The following NRXN1 variants were observed in gnomAD, a reference collection of about 807,000 sequenced individuals.
The protein encoded by NRXN1 is neurexin-1.
In NRXN1, 39 loss-of-function variants were observed where a neutral mutation model predicts 150.9. The ratio of observed to expected loss-of-function variants is 0.26; its 90% CI spans 0.20 to 0.34. The LOEUF is 0.34. NRXN1 is among the 10% of genes least tolerant of loss of function. NRXN1 has a pLI of 1.00. For synonymous variants in NRXN1, 924 were observed against 757.0 expected (o/e 1.22, Z -3.62); for missense variants, 1,815 against 1,949.9 (o/e 0.93, Z 1.30).
At chr2:50,981,823 GTGTGTGTGTGTGTGTGTGTA>G (rs910674012) in intron 2 of NRXN1, among the ~76,000 whole-genome samples, 2 of 139,422 alleles carry the variant, frequency 1.4e-5, no homozygotes, top group East Asian at 2.0e-4. Context: ...TAAACAATGT[GTGTGTGTGTGTGTGTGTGTA>G]TGTGTGTGTG....
intron 5 of NRXN1, among the ~76,000 whole-genome samples, chr2:50,728,504 C>T: frequency 6.6e-6 from 1 of 152,084 alleles, no homozygotes; most frequent in Non-Finnish European, 1.5e-5. Context: ...CTTGTTTTCC[C>T]TTCCATCTTT....
chr2:50,278,301 A>C (rs1441107296), intron 17 of NRXN1, among the ~76,000 whole-genome samples: 1 of 126,146 alleles, frequency 7.9e-6, no homozygotes, highest in African/African-American at 3.2e-5. Context: ...TATATAATAT[A>C]TATTTTATAT....
At chr2:50,131,638 C>A (rs1301801085) in intron 18 of NRXN1, among the ~76,000 whole-genome samples, 1 of 152,166 alleles carries the variant, frequency 6.6e-6, no homozygotes, top group African/African-American at 2.4e-5. Flanking sequence ...CAGTTTTCAT[C>A]TTCAAAGCAC....
At chr2:50,981,076 T>G (rs1450572024) in intron 2 of NRXN1, among the ~76,000 whole-genome samples, 1 of 152,080 alleles carries the variant, frequency 6.6e-6, no homozygotes, top group Non-Finnish European at 1.5e-5. Flanking sequence ...ACCTATAATG[T>G]AAGGTCCAAG....
intron 17 of NRXN1, among the ~76,000 whole-genome samples, chr2:50,410,545 A>G (rs531318550): frequency 6.6e-6 from 1 of 152,346 alleles, no homozygotes; most frequent in South Asian, 2.1e-4. Flanking sequence ...TCATTCTCCC[A>G]AAGACCAGCC....
In NRXN1 at chr2:50,133,938, A is replaced by C. The variant is rs1275496971; in HGVS notation, c.3547-42444T>G. The stretch of plus-strand genomic sequence containing the variant: ...GAAGCAGAACACCTAATAAAAGTTA[A>C]TTAGGAACAGGTACTGCTGAGACCT... On this transcript the variant is annotated intron_variant, in intron 18 of 22. Coordinates refer to ENST00000401669, the MANE Select transcript of NRXN1 (RefSeq NM_001330078.2). 2.0e-5 allele frequency among the ~76,000 whole-genome samples: 3 copies of C among 152,320 alleles called. No homozygotes were observed. The East Asian group carries it at 5.8e-4, about 29-fold the overall frequency.
In NRXN1 at chr2:50,062,208, C is replaced by G. The variant is rs369509789; in HGVS notation, c.3719-7164G>C. On this transcript the variant is annotated intron_variant, in intron 19 of 22. Transcript: ENST00000401669. ...TCTCCCAAAATTGATCTATTGAAAA[C>G]TAATTCCAAATATGATAGTGTCAGG... Among the ~76,000 whole-genome samples the G allele has an allele frequency of 4.0e-4, 61 of 152,178 alleles. 7 individuals are homozygous for G. Among genetic ancestry groups the G allele is most frequent in the Admixed American group, 2.6e-3 (40 of 15,284 alleles).
intron 22 of NRXN1, among the ~76,000 whole-genome samples, chr2:49,927,724 T>G (rs1669340474): frequency 6.6e-6 from 1 of 152,178 alleles, no homozygotes; most frequent in Admixed American, 6.5e-5. Flanking sequence ...GAATGGGGTT[T>G]GGTGGGTGGT....
At chr2:50,392,473 G>T (rs1440881294) in intron 17 of NRXN1, among the ~76,000 whole-genome samples, 1 of 152,174 alleles carries the variant, frequency 6.6e-6, no homozygotes, top group East Asian at 1.9e-4. Flanking sequence ...TAAGTCATGA[G>T]AAGGTGCCTT....
chr2:50,293,789 C>A (rs756048406), intron 17 of NRXN1, among the ~76,000 whole-genome samples: 1 of 152,082 alleles, frequency 6.6e-6, no homozygotes, highest in African/African-American at 2.4e-5. Context: ...AGTAAACTTG[C>A]GAGTTCAATG....
chr2:50,175,593 C>T (rs973489809), intron 18 of NRXN1, among the ~76,000 whole-genome samples: 1 of 151,560 alleles, frequency 6.6e-6, no homozygotes, highest in Non-Finnish European at 1.5e-5. Context: ...ATAGAATATA[C>T]ACACATTTAT....
intron 2 of NRXN1, among the ~76,000 whole-genome samples, chr2:50,935,692 A>G (rs964955709): frequency 1.3e-5 from 2 of 152,046 alleles, no homozygotes; most frequent in African/African-American, 2.4e-5. Context: ...ACACCACTGC[A>G]CTCCAGCCTA....
chr2:50,346,836 C>A lies in NRXN1; in HGVS notation c.3365-109866G>T, dbSNP rs766045364. The A allele has an allele frequency of 1.2e-6, 2 of 1,609,012 alleles. No homozygotes were observed. The highest frequency in any genetic ancestry group is 2.7e-5 in the African/African-American group (2 of 74,738). On this transcript the variant is annotated intron_variant, in intron 17 of 22. Transcript: ENST00000401669. The surrounding 1 kb of genome is among the most constrained non-coding windows in gnomAD (Gnocchi z 5.0). ...CTCCTAGGAGGCCGCTGAGGGTGAG[C>A]GGGACTATCCAAAGCAGGGCCAGGC...
chr2:50,008,030 C>T (rs1685056670), intron 21 of NRXN1, among the ~76,000 whole-genome samples: 1 of 152,164 alleles, frequency 6.6e-6, no homozygotes, highest in Non-Finnish European at 1.5e-5. Flanking sequence ...AGATTAACAA[C>T]ATGATGACAA....
At chr2:50,946,063 C>G (rs949350252) in intron 2 of NRXN1, among the ~76,000 whole-genome samples, 1 of 151,722 alleles carries the variant, frequency 6.6e-6, no homozygotes, top group Non-Finnish European at 1.5e-5. Flanking sequence ...ATACTCAGAG[C>G]TGATCCAGTA....
chr2:50,495,381 G>T (rs868361593), intron 15 of NRXN1, among the ~76,000 whole-genome samples: 424 of 8,888 alleles, frequency 0.048, no homozygotes, highest in Middle Eastern at 0.1. Flanking sequence ...TGTGTGTGTG[G>T]TGTGTGTGTG....
chr2:50,533,893 C>T (rs968482970), intron 10 of NRXN1, among the ~76,000 whole-genome samples: 1 of 152,118 alleles, frequency 6.6e-6, no homozygotes, highest in Non-Finnish European at 1.5e-5. Flanking sequence ...CTACCCACTC[C>T]AGTTATTCAA....
chr2:50,509,186 T>C (rs2092358658), intron 12 of NRXN1, among the ~76,000 whole-genome samples: 1 of 152,212 alleles, frequency 6.6e-6, no homozygotes, highest in African/African-American at 2.4e-5. Flanking sequence ...ACTCAAAGCC[T>C]GCATGCTTTT....
chr2:50,108,430 G>A (rs570666665), intron 18 of NRXN1, among the ~76,000 whole-genome samples: 164 of 152,046 alleles, frequency 1.1e-3, no homozygotes, highest in Non-Finnish European at 1.5e-3. Context: ...AAAAGAAGTG[G>A]CACAAATTTG....
Sources: allele counts gnomAD v4.1 joint callset (sites outside exome capture counted in the v4.1 genomes callset), GRCh38; gene constraint gnomAD v4.1.1; non-coding constraint Gnocchi (gnomAD v3.1); transcripts MANE v1.5; gene names NCBI Gene and HGNC (gene_info 2026-07-23, HGNC 2026-07-21).